CYP2J2: variants seen among roughly 807,000 people sequenced by gnomAD.
CYP2J2 encodes the protein cytochrome P450 family 2 subfamily J member 2.
Under a neutral mutation model 48.8 loss-of-function variants are expected in CYP2J2, and 41 were observed. The ratio of observed to expected loss-of-function variants is 0.84; its 90% CI spans 0.66 to 1.09. The LOEUF (loss-of-function observed/expected upper bound fraction) is 1.09, where lower values mean the gene tolerates loss of function less well. CYP2J2 is among the 50% of genes least tolerant of loss of function. The probability of loss-of-function intolerance (pLI) is 0.00; values close to 1 mark genes in which losing one functional copy is unlikely to be tolerated. For synonymous variants in CYP2J2, 221 were observed against 227.1 expected (o/e 0.97, Z 0.24); for missense variants, 644 against 617.3 (o/e 1.04, Z -0.46).
the CYP2J2 span, among the ~76,000 whole-genome samples, chr1:59,949,374 CAT>C: frequency 1.3e-5 from 2 of 152,160 alleles, no homozygotes; most frequent in Non-Finnish European, 2.9e-5. Flanking sequence ...ACTGCTTCCT[CAT>C]GTGGTATTTG....
chr1:59,924,073 T>C (rs574742743), intron 1 of CYP2J2, among the ~76,000 whole-genome samples: 1 of 152,256 alleles, frequency 6.6e-6, no homozygotes, highest in South Asian at 2.1e-4. Flanking sequence ...AAAAAGTTCA[T>C]TACATATGGG....
chr1:59,961,438 C>T, the CYP2J2 span, among the ~76,000 whole-genome samples: 1 of 152,038 alleles, frequency 6.6e-6, no homozygotes, highest in Non-Finnish European at 1.5e-5. Flanking sequence ...ACTTCACACC[C>T]ACTAGAGTGG....
At chr1:59,924,800 C>T (rs557372402) in intron 1 of CYP2J2, among the ~76,000 whole-genome samples, 2 of 151,810 alleles carry the variant, frequency 1.3e-5, no homozygotes, top group South Asian at 4.2e-4. Context: ...GTAGACAAAT[C>T]TTAATATGTC....
chr1:59,963,640 A>G, the CYP2J2 span, among the ~76,000 whole-genome samples: 3 of 152,312 alleles, frequency 2.0e-5, no homozygotes, highest in South Asian at 4.1e-4. Flanking sequence ...TAATGCTTCT[A>G]TGAACATAGA....
intron 1 of CYP2J2, among the ~76,000 whole-genome samples, chr1:59,916,592 G>T (rs1313094134): frequency 3.9e-5 from 6 of 152,110 alleles, no homozygotes; most frequent in Non-Finnish European, 7.4e-5. Flanking sequence ...AATTAGCTGG[G>T]TATGGTGGTA....
chr1:59,926,568 T>C lies in CYP2J2; in HGVS notation c.179A>G (p.Asp60Gly), dbSNP rs1279236370. 1.2e-6 allele frequency: 2 copies of C among 1,613,990 alleles called. No individual in the cohort carries two copies. Among genetic ancestry groups the C allele is most frequent in the Non-Finnish European group, 1.7e-6 (2 of 1,180,036 alleles). The change falls in exon 1 of 9, where the codon GAC becomes GGC. Residue 60 changes from aspartate to glycine, a missense_variant. Transcript: ENST00000371204. Reference sequence around the variant, plus strand: ...AACCTCCAGGTGCGACTGCTCGAAGTCCACAAGGAAGAAGTTGCCAAGGAA... The same window carrying C: ...AACCTCCAGGTGCGACTGCTCGAAGCCCACAAGGAAGAAGTTGCCAAGGAA... ...LPFLGNFFLV[D>G]FEQSHLEVQL...
intron 5 of CYP2J2, among the ~76,000 whole-genome samples, chr1:59,908,239 A>G (rs1383437227): frequency 6.6e-6 from 1 of 152,222 alleles, no homozygotes; most frequent in African/African-American, 2.4e-5. Flanking sequence ...TTGGCTTCCA[A>G]TATTAACCAC....
the CYP2J2 span, among the ~76,000 whole-genome samples, chr1:59,944,200 T>C: frequency 1.3e-5 from 2 of 152,172 alleles, no homozygotes; most frequent in Non-Finnish European, 2.9e-5. Flanking sequence ...TAAACAATGC[T>C]TCAGAGAAGG....
At chr1:59,968,920 C>G in the CYP2J2 span, among the ~76,000 whole-genome samples, 1 of 152,072 alleles carries the variant, frequency 6.6e-6, no homozygotes, top group East Asian at 1.9e-4. Flanking sequence ...TTCTGATGTT[C>G]GGATATGTTC....
At chr1:59,957,352 G>A in the CYP2J2 span, among the ~76,000 whole-genome samples, 1 of 151,640 alleles carries the variant, frequency 6.6e-6, no homozygotes, top group Non-Finnish European at 1.5e-5. Flanking sequence ...GGTGGGGGTG[G>A]GGCATGAGGC....
Position 59,915,967 on chromosome 1 carries a change from G to C in CYP2J2, c.344C>G (p.Pro115Arg). Residue 115 changes from proline (P) to arginine (R), a missense_variant, in exon 2 of 9, where the codon CCT becomes CGT. Pro to Arg is a moderately radical substitution (Grantham distance 103). Coordinates refer to ENST00000371204, the MANE Select transcript of CYP2J2 (RefSeq NM_000775.4). ...TTTCTTAAAGATATGTTCTCGCATA[G>C]GGGTCACGGGGCGGTTCCCAAAGTT... is the stretch of plus-strand genomic sequence containing the variant. Reference protein sequence around the residue: ...DQNFGNRPVTPMREHIFKKNG... With the variant: ...DQNFGNRPVTRMREHIFKKNG... The C allele has an allele frequency of 6.2e-7, 1 of 1,613,732 alleles. No individual in the cohort carries two copies. The highest frequency in any genetic ancestry group is 2.2e-5 in the East Asian group (1 of 44,870).
chr1:59,939,682 TG>T, the CYP2J2 span, among the ~76,000 whole-genome samples: 25 of 152,316 alleles, frequency 1.6e-4, no homozygotes. Flanking sequence ...CCTCTAAGCC[TG>T]GGGCAGGTCC....
At chr1:59,951,416 C>T in the CYP2J2 span, among the ~76,000 whole-genome samples, 1 of 152,210 alleles carries the variant, frequency 6.6e-6, no homozygotes, top group East Asian at 1.9e-4. Context: ...TCTTAAGGTT[C>T]TTCACATTTA....
intron 8 of CYP2J2, among the ~76,000 whole-genome samples, chr1:59,899,174 G>A (rs1644294732): frequency 6.6e-6 from 1 of 152,154 alleles, no homozygotes; most frequent in South Asian, 2.1e-4. Flanking sequence ...TGGATGTTGT[G>A]CAAGAGCCAA....
chr1:59,932,749 G>T, the CYP2J2 span, among the ~76,000 whole-genome samples: 1 of 150,156 alleles, frequency 6.7e-6, no homozygotes, highest in East Asian at 2.0e-4. Flanking sequence ...TGCCCAGGCT[G>T]GAGTGCAGTG....
intron 1 of CYP2J2, among the ~76,000 whole-genome samples, chr1:59,922,907 A>G (rs181948361): frequency 8.9e-4 from 135 of 152,324 alleles, no homozygotes; most frequent in African/African-American, 3.1e-3. Context: ...GTACATGGAT[A>G]GTACCTTGTC....
the CYP2J2 span, among the ~76,000 whole-genome samples, chr1:59,967,882 AG>A: frequency 6.6e-6 from 1 of 152,248 alleles, no homozygotes; most frequent in Non-Finnish European, 1.5e-5. Context: ...TCAAGATCAA[AG>A]ACTCAACTTT....
the CYP2J2 span, among the ~76,000 whole-genome samples, chr1:59,932,870 T>C: frequency 6.6e-6 from 1 of 152,042 alleles, no homozygotes; most frequent in African/African-American, 2.4e-5. Flanking sequence ...TTGGCTAATT[T>C]CTGTATTTTT....
At chr1:59,899,889 T>C (rs925913180) in intron 8 of CYP2J2, among the ~76,000 whole-genome samples, 6 of 152,308 alleles carry the variant, frequency 3.9e-5, no homozygotes, top group Non-Finnish European at 7.3e-5. Context: ...TCAATAAATA[T>C]TGATGGAATT....
Sources: gnomAD v4.1 joint callset for allele counts (sites outside exome capture counted in the v4.1 genomes callset) on GRCh38, gnomAD v4.1.1 for gene constraint, MANE v1.5 for transcripts, NCBI Gene and HGNC (gene_info 2026-07-23, HGNC 2026-07-21) for gene names.